HYDIN: variants seen among roughly 807,000 people sequenced by gnomAD.
HYDIN encodes HYDIN axonemal central pair apparatus protein.
In HYDIN, 132 loss-of-function variants were observed where a neutral mutation model predicts 403.9. That is an observed-to-expected ratio of 0.33 (90% confidence interval 0.28 to 0.38). HYDIN has a LOEUF of 0.38. Ranked by LOEUF, HYDIN falls within the 10% of genes least tolerant of loss-of-function variation. The pLI, the probability that HYDIN is intolerant of heterozygous loss-of-function variation, is 1.00. For missense variants in HYDIN, 2,827 were observed against 5,009.5 expected (o/e 0.56, Z 13.15); for synonymous variants, 1,202 against 1,891.7 (o/e 0.64, Z 9.46).
chr16:71,098,240 C>G lies in HYDIN; in HGVS notation c.1328-4305G>C, dbSNP rs2083337515. Among the ~76,000 whole-genome samples, 3 of 144,874 alleles carry G rather than the reference C, an allele frequency of 2.1e-5. No homozygotes were observed. The Admixed American group carries it at 2.2e-4, about 10-fold the overall frequency. On this transcript the variant is annotated intron_variant, in intron 10 of 85. Coordinates refer to ENST00000393567, the MANE Select transcript of HYDIN (RefSeq NM_001270974.2). ...TTTTTGAGATGGAGTCTCGCTCTGT[C>G]ACCCAGGCTGGAGTGCAGTGGTGCG... is the stretch of plus-strand genomic sequence containing the variant.
chr16:70,956,528 G>C (rs1048792170), intron 39 of HYDIN, among the ~76,000 whole-genome samples: 2 of 152,194 alleles, frequency 1.3e-5, no homozygotes, highest in Non-Finnish European at 2.9e-5. Flanking sequence ...GGTTAGCCTG[G>C]ATTATCCAAC....
rs549495977 is a variant in HYDIN, at chr16:70,888,164, A to G, written c.9774+1423T>C. On this transcript the variant is annotated intron_variant, in intron 58 of 85. Transcript: ENST00000393567. The stretch of plus-strand genomic sequence containing the variant: ...AGCATGCTTATAATTGCTCATTGAA[A>G]CATTTTCAGATAATTCTAACACCTC... Among the ~76,000 whole-genome samples, 7 of 152,384 alleles carry G rather than the reference A, an allele frequency of 4.6e-5. No homozygotes were observed. The East Asian group carries it at 1.3e-3, about 29-fold the overall frequency.
At chr16:71,219,515 T>A (rs2089081025) in intron 1 of HYDIN, among the ~76,000 whole-genome samples, 1 of 152,266 alleles carries the variant, frequency 6.6e-6, no homozygotes, top group Admixed American at 6.5e-5. Context: ...GAATATAGGA[T>A]CTAACATAGG....
At chr16:71,040,313 G>C (rs2081243907) in intron 18 of HYDIN, among the ~76,000 whole-genome samples, 1 of 148,502 alleles carries the variant, frequency 6.7e-6, no homozygotes, top group African/African-American at 2.5e-5. Context: ...GAAGGGGTCA[G>C]GGAAATATCC....
intron 72 of HYDIN, among the ~76,000 whole-genome samples, 161 bp from the exon 73 acceptor site, chr16:70,855,436 T>C (rs1428282213): frequency 1.3e-5 from 2 of 152,308 alleles, no homozygotes; most frequent in Non-Finnish European, 2.9e-5. Flanking sequence ...GTCACCTTCC[T>C]TCTTTCGGGG....
intron 19 of HYDIN, among the ~76,000 whole-genome samples, chr16:71,028,109 C>G (rs113390039): frequency 0.11 from 12,958 of 118,080 alleles, no homozygotes; most frequent in African/African-American, 0.19. Flanking sequence ...AAGTCTTCCC[C>G]AGCAGGCCCC....
At chr16:70,905,629 T>C (rs1276383275) in intron 50 of HYDIN, among the ~76,000 whole-genome samples, 49 of 75,658 alleles carry the variant, frequency 6.5e-4, no homozygotes, top group African/African-American at 2.5e-3. Flanking sequence ...TAAGACCCTA[T>C]CTTAAAAAAA....
At chr16:71,188,292 C>G (rs749688554) in intron 1 of HYDIN, among the ~76,000 whole-genome samples, 3 of 152,050 alleles carry the variant, frequency 2.0e-5, no homozygotes, top group Non-Finnish European at 4.4e-5. Context: ...TATTTTTGAA[C>G]CTGTTTGGGA....
At chr16:71,117,796 A>C (rs1441357378) in intron 9 of HYDIN, among the ~76,000 whole-genome samples, 11 of 152,182 alleles carry the variant, frequency 7.2e-5, no homozygotes, top group Admixed American at 2.0e-4. Flanking sequence ...TGCAGATATC[A>C]AACAAGAGGG....
intron 45 of HYDIN, among the ~76,000 whole-genome samples, chr16:70,926,502 C>T (rs1319401721): frequency 6.6e-6 from 1 of 151,918 alleles, no homozygotes; most frequent in Admixed American, 6.6e-5. Context: ...AGGAGATATA[C>T]CTAATGCTAA....
chr16:70,992,284 C>T, intron 23 of HYDIN, 74 bp from the exon 24 acceptor site: 1 of 1,497,524 alleles, frequency 6.7e-7, no homozygotes, highest in South Asian at 1.4e-5. Flanking sequence ...TCAGTGGGCT[C>T]TCAGTTTCTA....
chr16:70,882,416 C>T (rs2040864343), intron 60 of HYDIN, among the ~76,000 whole-genome samples: 1 of 152,222 alleles, frequency 6.6e-6, no homozygotes, highest in African/African-American at 2.4e-5. Flanking sequence ...AGTGAGCATT[C>T]AATGGAGGAA....
intron 6 of HYDIN, among the ~76,000 whole-genome samples, chr16:71,157,856 A>C (rs1321779667): frequency 6.9e-6 from 1 of 144,030 alleles, no homozygotes; most frequent in Non-Finnish European, 1.5e-5. Flanking sequence ...GACTGGAAGC[A>C]AAAGGAGAGG....
At position 70,943,931 on chromosome 16, in the gene HYDIN, G is replaced by A. The variant is rs1327974538; in HGVS notation, c.6550C>T (p.Pro2184Ser). Residue 2184 changes from proline (P) to serine (S), a missense_variant, in exon 42 of 86, where the codon CCC (proline) becomes TCC (serine). Transcript: ENST00000393567. ...ETPQISSSPL[P>S]PGPIHRWLSV... ...AGCCAGCGGTGGATGGGCCCCGGGG[G>A]GAGAGGGCTGGAGGAAATCTGTTGA... The A allele has an allele frequency of 4.4e-6, 7 of 1,608,474 alleles. No individual in the cohort carries two copies. Among genetic ancestry groups the A allele is most frequent in the Non-Finnish European group, 5.1e-6 (6 of 1,177,640 alleles).
rs111294835 is a variant in HYDIN at position 71,025,434 on chromosome 16, G to A, written c.3135C>T (p.Val1045=). Residue 1045 remains valine (V), a synonymous_variant, in exon 21 of 86, where the codon GTC becomes GTT. Coordinates refer to ENST00000393567, the MANE Select transcript of HYDIN (RefSeq NM_001270974.2). ...TGGTGGAGAGCTGGATGAGAGGTGCGACGAACTCACAGGTGATGTTCACAG... is the reference window on the plus strand; with the variant it reads ...TGGTGGAGAGCTGGATGAGAGGTGCAACGAACTCACAGGTGATGTTCACAG... ...VMAVNITCEF[V]APLIQLSTKQ... 1 of 352,742 alleles carries A rather than the reference G, an allele frequency of 2.8e-6. No individual in the cohort carries two copies. Among genetic ancestry groups the A allele is most frequent in the South Asian group, 7.9e-5 (1 of 12,582 alleles). 21.9% of individuals were successfully genotyped at this position (352,742 alleles called of 1,614,324 possible).
chr16:71,069,185 G>A (rs1004288995), intron 14 of HYDIN, 82 bp downstream of exon 14: 4 of 1,480,490 alleles, frequency 2.7e-6, no homozygotes, highest in African/African-American at 1.5e-5. Flanking sequence ...GGACATGCTA[G>A]AGCAAACCCT....
intron 1 of HYDIN, among the ~76,000 whole-genome samples, chr16:71,201,955 C>T (rs2088040171): frequency 6.6e-6 from 1 of 152,236 alleles, no homozygotes; most frequent in South Asian, 2.1e-4. Context: ...TAGACTGTAA[C>T]TTGCAAAAGC....
intron 84 of HYDIN, among the ~76,000 whole-genome samples, chr16:70,812,270 AC>A (rs1406877373): frequency 5.0e-5 from 7 of 138,762 alleles, no homozygotes; most frequent in Admixed American, 7.4e-5. Context: ...CAGGAGGATC[AC>A]TTGAGGCCAG....
intron 7 of HYDIN, among the ~76,000 whole-genome samples, chr16:71,148,848 T>C (rs2085421624): frequency 7.3e-6 from 1 of 136,884 alleles, no homozygotes; most frequent in African/African-American, 3.1e-5. Context: ...AACCTCTGCC[T>C]CCCGGGTTCA....
Sources: allele counts gnomAD v4.1 joint callset (sites outside exome capture counted in the v4.1 genomes callset), GRCh38; gene constraint gnomAD v4.1.1; transcripts MANE v1.5; gene names NCBI Gene and HGNC (gene_info 2026-07-23, HGNC 2026-07-21).